Variants in SH3BP4 observed in about 807,000 individuals in gnomAD.
SH3BP4 encodes the protein SH3 domain-binding protein 4.
SH3BP4 carries 33 observed loss-of-function variants against 65.5 expected under a neutral mutation model. That is an observed-to-expected ratio of 0.50 (90% confidence interval 0.38 to 0.67). The LOEUF (loss-of-function observed/expected upper bound fraction) is 0.67, where lower values mean the gene tolerates loss of function less well. Among genes scored for constraint, SH3BP4 ranks in the 30% least tolerant of loss-of-function variants. The pLI is 0.00. For synonymous variants in SH3BP4, 552 were observed against 545.5 expected (o/e 1.01, Z -0.17); for missense variants, 1,134 against 1,261.4 (o/e 0.90, Z 1.53).
Position 235,033,323 on chromosome 2 carries a change from C to G in SH3BP4, c.-132-1548C>G, listed in dbSNP as rs1695264572. On this transcript the variant is annotated intron_variant, in intron 2 of 5. Transcript: ENST00000392011. This position sits in a 1 kb window ranked among gnomAD's most constrained non-coding sequence, Gnocchi z 5.7. The stretch of plus-strand genomic sequence containing the variant: ...GGTAGAGGGAGAGAGAACGGAAGCT[C>G]TCTGGTGTCTCAAATAAAGGCGCTG... 1.3e-5 allele frequency among the ~76,000 whole-genome samples: 2 copies of G among 152,192 alleles called. No homozygotes were observed. The highest frequency in any genetic ancestry group is 1.3e-4 in the Admixed American group (2 of 15,284).
intron 1 of SH3BP4, among the ~76,000 whole-genome samples, chr2:234,956,396 T>G (rs1443998773): frequency 1.3e-5 from 2 of 152,216 alleles, no homozygotes. Context: ...ACTAATGAGA[T>G]TATTCTTATC....
At chr2:235,008,923 A>G (rs994215434) in intron 2 of SH3BP4, among the ~76,000 whole-genome samples, 1 of 152,164 alleles carries the variant, frequency 6.6e-6, no homozygotes, top group Non-Finnish European at 1.5e-5. Flanking sequence ...TGTAAGCTCT[A>G]CCACACCAGC....
At chr2:235,049,684 G>C (rs1170704471) in intron 4 of SH3BP4, among the ~76,000 whole-genome samples, 1 of 152,186 alleles carries the variant, frequency 6.6e-6, no homozygotes, top group Non-Finnish European at 1.5e-5. Flanking sequence ...AATTCAAATA[G>C]AAACAGACCT....
rs145011312 is a variant in SH3BP4, at chr2:235,048,362, G to A, written c.2479-4200G>A. On this transcript the variant is annotated intron_variant, in intron 4 of 5. Transcript: ENST00000392011. Reference sequence around the variant, plus strand: ...CGCCCCTTTTTTGAGAAAAGGTCTCGCTCTGTCTCCTAGGCGGGAGTGCAG... The same window carrying A: ...CGCCCCTTTTTTGAGAAAAGGTCTCACTCTGTCTCCTAGGCGGGAGTGCAG... Among the ~76,000 whole-genome samples the A allele has an allele frequency of 1.8e-3, 267 of 152,208 alleles. 1 individual carries two copies. Among genetic ancestry groups the A allele is most frequent in the Admixed American group, 5.8e-3 (89 of 15,276 alleles).
chr2:234,984,721 G>A (rs1233175045), intron 1 of SH3BP4, among the ~76,000 whole-genome samples: 1 of 152,112 alleles, frequency 6.6e-6, no homozygotes, highest in East Asian at 1.9e-4. Context: ...TGCCTGTGTC[G>A]TGGACAGAAA....
chr2:235,039,063 C>T lies in SH3BP4; in HGVS notation c.119-1825C>T, dbSNP rs186285649. 5.3e-4 allele frequency among the ~76,000 whole-genome samples: 81 copies of T among 152,230 alleles called. No homozygotes were observed. In the Middle Eastern group the frequency reaches 0.01, roughly 19 times the overall value. ...CTCATTGAGGAAATACACTTTTTGT[C>T]CACCATGAGTGGAGTCTTAGGCTCT... On this transcript the variant is annotated intron_variant, in intron 3 of 5. Transcript: ENST00000392011.
At chr2:234,990,870 G>T (rs188593916) in intron 1 of SH3BP4, among the ~76,000 whole-genome samples, 4 of 152,154 alleles carry the variant, frequency 2.6e-5, no homozygotes, top group Non-Finnish European at 4.4e-5. Context: ...TTCTCCCTTA[G>T]CATCTGGGGG....
rs188627274 is a variant in SH3BP4 at position 234,964,327 on chromosome 2, A to G, written c.-207+12157A>G. On this transcript the variant is annotated intron_variant, in intron 1 of 5. Coordinates refer to ENST00000392011, the MANE Select transcript of SH3BP4 (RefSeq NM_014521.3). ...GACCCCTTTTCTAACTCTCTGGGAC[A>G]TGGTCCTGGCTCTTTCCCTCTTCTT... 2.7e-4 allele frequency among the ~76,000 whole-genome samples: 41 copies of G among 152,194 alleles called. 1 individual carries two copies. Among genetic ancestry groups the G allele is most frequent in the African/African-American group, 9.6e-4 (40 of 41,514 alleles).
intron 2 of SH3BP4, among the ~76,000 whole-genome samples, chr2:235,019,564 G>A (rs1694789997): frequency 2.0e-5 from 3 of 151,484 alleles, no homozygotes; most frequent in Non-Finnish European, 4.4e-5. Context: ...AGCCTCCTGA[G>A]TAGCTGGGAT....
At chr2:235,047,666 G>A (rs1004842458) in intron 4 of SH3BP4, among the ~76,000 whole-genome samples, 19 of 152,230 alleles carry the variant, frequency 1.2e-4, no homozygotes, top group Admixed American at 1.3e-4. Context: ...TCAGCCATGG[G>A]AGCAGAAGCA....
At chr2:235,038,366 A>AC (rs1248934629) in intron 3 of SH3BP4, among the ~76,000 whole-genome samples, 60 of 39,564 alleles carry the variant, frequency 1.5e-3, no homozygotes, top group African/African-American at 7.0e-3. Context: ...ATATATATAT[A>AC]ATATATATAC....
In SH3BP4 at chr2:235,034,876, A is replaced by G. The variant is rs373494480; in HGVS notation, c.-127A>G. 1.2e-4 allele frequency: 88 copies of G among 718,010 alleles called. No individual in the cohort carries two copies. The African/African-American group carries it at 1.2e-3, about 10-fold the overall frequency. The allele number at this position is 718,010 out of a possible 1,614,324, so 44.5% of individuals were successfully genotyped here. ...TGTTCCTCCTCTACTTTCAGGAAGAAACATATTGCCGAGTGGATGCCGCCG... is the reference window on the plus strand; with the variant it reads ...TGTTCCTCCTCTACTTTCAGGAAGAGACATATTGCCGAGTGGATGCCGCCG... On this transcript the variant is annotated 5_prime_UTR_variant, in exon 3 of 6. Coordinates refer to ENST00000392011, the MANE Select transcript of SH3BP4 (RefSeq NM_014521.3). This position sits in a 1 kb window ranked among gnomAD's most constrained non-coding sequence, Gnocchi z 6.2.
chr2:235,024,636 G>T (rs1694942581), intron 2 of SH3BP4, among the ~76,000 whole-genome samples: 1 of 152,120 alleles, frequency 6.6e-6, no homozygotes, highest in African/African-American at 2.4e-5. Flanking sequence ...TGAGGCCTCA[G>T]TTTTCTCATC....
At chr2:234,992,569 T>TGG in intron 1 of SH3BP4, among the ~76,000 whole-genome samples, 1 of 138,418 alleles carries the variant, frequency 7.2e-6, no homozygotes, top group Middle Eastern at 4.3e-3. Context: ...CTGCTGCGTG[T>TGG]CTCTGGGTCT....
At chr2:234,981,968 C>T (rs1693400106) in intron 1 of SH3BP4, among the ~76,000 whole-genome samples, 1 of 152,192 alleles carries the variant, frequency 6.6e-6, no homozygotes. Context: ...GGGTGGCCAC[C>T]TCTGATGTCG....
At chr2:234,954,300 C>T (rs1692540045) in intron 1 of SH3BP4, among the ~76,000 whole-genome samples, 1 of 151,972 alleles carries the variant, frequency 6.6e-6, no homozygotes, top group Non-Finnish European at 1.5e-5. Context: ...GCCTTTTGTC[C>T]CCAAGCACCC....
At chr2:234,982,105 A>C (rs1261363134) in intron 1 of SH3BP4, among the ~76,000 whole-genome samples, 1 of 152,162 alleles carries the variant, frequency 6.6e-6, no homozygotes, top group Non-Finnish European at 1.5e-5. Flanking sequence ...ACACTAAAAC[A>C]TTATTAGTTG....
At chr2:234,982,259 A>T (rs1693410549) in intron 1 of SH3BP4, among the ~76,000 whole-genome samples, 1 of 152,172 alleles carries the variant, frequency 6.6e-6, no homozygotes, top group Admixed American at 6.5e-5. Context: ...CGCTGGCACC[A>T]GGTGGGCTAT....
intron 1 of SH3BP4, among the ~76,000 whole-genome samples, chr2:234,986,139 C>T (rs1215483840): frequency 1.3e-5 from 2 of 150,180 alleles, no homozygotes; most frequent in Non-Finnish European, 2.9e-5. Flanking sequence ...TGAACCAGCC[C>T]TCCACTCACA....
Sources: allele counts gnomAD v4.1 joint callset (sites outside exome capture counted in the v4.1 genomes callset), GRCh38; gene constraint gnomAD v4.1.1; non-coding constraint Gnocchi (gnomAD v3.1); transcripts MANE v1.5; gene names NCBI Gene and HGNC (gene_info 2026-07-23, HGNC 2026-07-21).